TANC2: variants seen among roughly 807,000 people sequenced by gnomAD.
TANC2 encodes tetratricopeptide repeat, ankyrin repeat and coiled-coil containing 2, also known as protein TANC2.
A neutral mutation model predicts 210.5 loss-of-function variants in TANC2; 26 were observed. The observed-to-expected ratio is 0.12, with a 90% CI of 0.09 to 0.17. TANC2 has a LOEUF of 0.17. Among genes scored for constraint, TANC2 ranks in the 10% least tolerant of loss-of-function variants. The probability of loss-of-function intolerance (pLI) is 1.00; values close to 1 mark genes in which losing one functional copy is unlikely to be tolerated. For synonymous variants in TANC2, 931 were observed against 967.1 expected (o/e 0.96, Z 0.69); for missense variants, 2,129 against 2,608.9 (o/e 0.82, Z 4.01).
chr17:63,087,414 TTTTTTCTTTG>T (rs1223286987), intron 3 of TANC2, among the ~76,000 whole-genome samples: 7 of 152,294 alleles, frequency 4.6e-5, no homozygotes, highest in Admixed American at 1.3e-4. Context: ...GCTTCTCTGT[TTTTTTCTTTG>T]TTTTTCTTTG....
At chr17:63,323,068 A>C (rs907499380) in intron 11 of TANC2, among the ~76,000 whole-genome samples, 8 of 152,256 alleles carry the variant, frequency 5.3e-5, no homozygotes, top group Non-Finnish European at 1.2e-4. Flanking sequence ...TCAGCTACAC[A>C]AAAGTGTTCT....
intron 7 of TANC2, among the ~76,000 whole-genome samples, chr17:63,213,902 G>A (rs1011573075): frequency 6.6e-6 from 1 of 152,156 alleles, no homozygotes; most frequent in African/African-American, 2.4e-5. Flanking sequence ...ATATTTCTTA[G>A]AAAACAGAGC....
intron 25 of TANC2, among the ~76,000 whole-genome samples, chr17:63,414,808 T>C (rs1247844944): frequency 2.0e-5 from 3 of 152,180 alleles, no homozygotes; most frequent in Non-Finnish European, 2.9e-5. Flanking sequence ...TCTCAGCTTA[T>C]AGATTTTCAG....
At chr17:63,016,840 T>G (rs1255902308) in intron 2 of TANC2, among the ~76,000 whole-genome samples, 1 of 152,208 alleles carries the variant, frequency 6.6e-6, no homozygotes, top group Non-Finnish European at 1.5e-5. Flanking sequence ...ATGATCGTTT[T>G]ATGTCTTTGG....
chr17:63,408,500 C>T (rs539613903), intron 21 of TANC2, among the ~76,000 whole-genome samples: 1 of 152,322 alleles, frequency 6.6e-6, no homozygotes, highest in African/African-American at 2.4e-5. Context: ...CTACTCTTTC[C>T]TCCACTGGAT....
intron 2 of TANC2, among the ~76,000 whole-genome samples, chr17:63,045,178 G>C (rs1027364757): frequency 6.6e-6 from 1 of 152,178 alleles, no homozygotes; most frequent in Non-Finnish European, 1.5e-5. Context: ...CATATTGTCT[G>C]TGCCTGCTTT....
intron 5 of TANC2, among the ~76,000 whole-genome samples, chr17:63,159,764 G>A (rs1475961076): frequency 1.3e-5 from 2 of 152,188 alleles, no homozygotes; most frequent in Non-Finnish European, 2.9e-5. Flanking sequence ...AGGAGCTTGA[G>A]GATCCACAGA....
At chr17:63,234,082 G>A (rs190680996) in intron 7 of TANC2, among the ~76,000 whole-genome samples, 87 of 152,322 alleles carry the variant, frequency 5.7e-4, no homozygotes, top group African/African-American at 2.1e-3. Context: ...GACCATTATT[G>A]AAGATGCAGT....
At chr17:63,139,184 T>A (rs2039198432) in intron 4 of TANC2, among the ~76,000 whole-genome samples, 1 of 152,270 alleles carries the variant, frequency 6.6e-6, no homozygotes, top group African/African-American at 2.4e-5. Context: ...CCAATTCTCT[T>A]ATTACCTAAC....
At chr17:63,383,385 C>T (rs1222786080) in intron 15 of TANC2, among the ~76,000 whole-genome samples, 2 of 152,182 alleles carry the variant, frequency 1.3e-5, no homozygotes, top group Non-Finnish European at 2.9e-5. Flanking sequence ...CTCCTCAACC[C>T]CTGGCAACCA....
rs537417674 is a variant in TANC2, at chr17:63,392,794, C to T, written c.3052-2949C>T. Among the ~76,000 whole-genome samples the T allele has an allele frequency of 1.1e-4, 17 of 151,948 alleles. No individual in the cohort carries two copies. In the South Asian group the frequency reaches 3.6e-3, roughly 32 times the overall value. On this transcript the variant is annotated intron_variant, in intron 17 of 27. Transcript: ENST00000689528. ...CATGTATCAAAATATCACACTGTAC[C>T]CCATAAATATGTACAATTATTGTGT...
chr17:63,264,027 GC>G (rs2043448224), intron 8 of TANC2, among the ~76,000 whole-genome samples: 1 of 152,094 alleles, frequency 6.6e-6, no homozygotes, highest in Admixed American at 6.5e-5. Context: ...ATTGGTCTAG[GC>G]AGTTTGGTTA....
intron 14 of TANC2, among the ~76,000 whole-genome samples, chr17:63,368,084 G>A (rs1294570752): frequency 6.6e-6 from 1 of 152,294 alleles, no homozygotes; most frequent in Non-Finnish European, 1.5e-5. Flanking sequence ...GTGTATGTGG[G>A]AGAGATATTT....
chr17:63,227,902 C>T (rs371015211), intron 7 of TANC2, among the ~76,000 whole-genome samples: 1 of 151,904 alleles, frequency 6.6e-6, no homozygotes, highest in Non-Finnish European at 1.5e-5. Flanking sequence ...TTTGTTCTGT[C>T]ACCCAGGCCG....
intron 8 of TANC2, among the ~76,000 whole-genome samples, chr17:63,257,790 T>G (rs2043240160): frequency 6.6e-6 from 1 of 152,268 alleles, no homozygotes; most frequent in South Asian, 2.1e-4. Flanking sequence ...TCTCCCCTGC[T>G]TTTTAACTTT....
chr17:63,145,248 A>G (rs941327523), intron 4 of TANC2, among the ~76,000 whole-genome samples: 1 of 152,234 alleles, frequency 6.6e-6, no homozygotes. Flanking sequence ...TTTAAACCTA[A>G]CAGAGATCCA....
At chr17:62,983,917 C>T (rs1028022969) in intron 1 of TANC2, among the ~76,000 whole-genome samples, 1 of 151,976 alleles carries the variant, frequency 6.6e-6, no homozygotes, top group African/African-American at 2.4e-5. Context: ...GGGATATTGG[C>T]TTGTAGTCTC....
chr17:63,130,427 G>T (rs185501884), intron 4 of TANC2, among the ~76,000 whole-genome samples: 1 of 151,496 alleles, frequency 6.6e-6, no homozygotes, highest in Non-Finnish European at 1.5e-5. Flanking sequence ...CAGGAGAATC[G>T]CTTGAACCTG....
At chr17:63,095,770 C>A (rs1232399779) in intron 3 of TANC2, among the ~76,000 whole-genome samples, 1 of 152,128 alleles carries the variant, frequency 6.6e-6, no homozygotes. Flanking sequence ...TAATCAAATT[C>A]TCTGCTCACC....
Sources: gnomAD v4.1 joint callset for allele counts (sites outside exome capture counted in the v4.1 genomes callset) on GRCh38, gnomAD v4.1.1 for gene constraint, MANE v1.5 for transcripts, NCBI Gene and HGNC (gene_info 2026-07-23, HGNC 2026-07-21) for gene names.